Variants in FANCC observed in about 807,000 individuals in gnomAD.
FANCC encodes the protein FA complementation group C.
FANCC carries 55 observed loss-of-function variants against 71.3 expected under a neutral mutation model. The ratio of observed to expected loss-of-function variants is 0.77; its 90% CI spans 0.62 to 0.97. The LOEUF is 0.97. Ranked by LOEUF, FANCC falls within the 50% of genes least tolerant of loss-of-function variation. FANCC has a pLI of 0.00. For synonymous variants in FANCC, 275 were observed against 244.9 expected (o/e 1.12, Z -1.15); for missense variants, 678 against 670.9 (o/e 1.01, Z -0.12).
intron 4 of FANCC, among the ~76,000 whole-genome samples, chr9:95,225,495 G>A (rs1829561891): frequency 6.6e-6 from 1 of 152,094 alleles, no homozygotes; most frequent in South Asian, 2.1e-4. Flanking sequence ...AAGGGGAGCT[G>A]GTCAATGTTT....
chr9:95,272,654 G>A (rs1832808907), intron 1 of FANCC, among the ~76,000 whole-genome samples: 1 of 152,092 alleles, frequency 6.6e-6, no homozygotes, highest in Non-Finnish European at 1.5e-5. Flanking sequence ...GGGAGATCAC[G>A]CCACTGCCCT....
chr9:95,226,424 G>A (rs1263841424), intron 4 of FANCC, among the ~76,000 whole-genome samples: 1 of 152,224 alleles, frequency 6.6e-6, no homozygotes, highest in East Asian at 1.9e-4. Context: ...CCAAAAGGCA[G>A]TGAGGAAGGC....
chr9:95,122,210 G>A (rs979951064), intron 10 of FANCC, among the ~76,000 whole-genome samples: 16 of 152,142 alleles, frequency 1.1e-4, no homozygotes, highest in African/African-American at 3.1e-4. Flanking sequence ...GGAGGAGCAC[G>A]TGGATAGACA....
chr9:95,256,489 A>G (rs941861709), intron 1 of FANCC, among the ~76,000 whole-genome samples: 6 of 152,214 alleles, frequency 3.9e-5, no homozygotes, highest in African/African-American at 1.4e-4. Context: ...GCAAATGCTG[A>G]GAGATTCTGT....
chr9:95,185,986 T>C (rs1826684236), intron 4 of FANCC, among the ~76,000 whole-genome samples: 1 of 152,264 alleles, frequency 6.6e-6, no homozygotes, highest in Admixed American at 6.5e-5. Flanking sequence ...TTATCATATG[T>C]TTAAAATGGA....
intron 4 of FANCC, among the ~76,000 whole-genome samples, chr9:95,193,291 G>T (rs111779215): frequency 2.0e-5 from 3 of 152,148 alleles, no homozygotes; most frequent in Non-Finnish European, 4.4e-5. Flanking sequence ...CAAACAGCTT[G>T]TGGAGTAATC....
chr9:95,216,014 T>C (rs539891864), intron 4 of FANCC, among the ~76,000 whole-genome samples: 11 of 152,340 alleles, frequency 7.2e-5, no homozygotes, highest in African/African-American at 2.6e-4. Flanking sequence ...ATATCAATAA[T>C]TATATTACAT....
Position 95,315,229 on chromosome 9 carries a change from C to G in FANCC, c.-79+2297G>C, listed in dbSNP as rs185783491. Among the ~76,000 whole-genome samples the G allele has an allele frequency of 7.2e-5, 11 of 152,232 alleles. No homozygotes were observed. In the East Asian group the frequency reaches 2.1e-3, roughly 29 times the overall value. ...CTCTGGTGGCCAATCTGAATTGTTA[C>G]CAATTTTATTTTTCCAGACACGGTC... On this transcript the variant is annotated intron_variant, in intron 1 of 14. Coordinates refer to ENST00000289081, the MANE Select transcript of FANCC (RefSeq NM_000136.3).
At chr9:95,209,251 C>A (rs895666491) in intron 4 of FANCC, among the ~76,000 whole-genome samples, 1 of 152,100 alleles carries the variant, frequency 6.6e-6, no homozygotes, top group Non-Finnish European at 1.5e-5. Flanking sequence ...AGGGAGAGCA[C>A]GAATAATTTC....
intron 1 of FANCC, among the ~76,000 whole-genome samples, chr9:95,249,946 C>T (rs889013517): frequency 6.6e-6 from 1 of 152,086 alleles, no homozygotes; most frequent in Non-Finnish European, 1.5e-5. Context: ...CTAAAGATTG[C>T]TTTATATGCT....
chr9:95,171,919 A>T (rs547464893), intron 5 of FANCC, 118 bp downstream of exon 5: 2 of 721,758 alleles, frequency 2.8e-6, no homozygotes, highest in Non-Finnish European at 5.0e-6. Context: ...GTAAGAAGAG[A>T]TAAACAAAGA....
intron 6 of FANCC, among the ~76,000 whole-genome samples, chr9:95,156,120 T>G (rs923579082): frequency 2.4e-4 from 37 of 152,174 alleles, no homozygotes; most frequent in East Asian, 1.2e-3. Context: ...GTTTTTGGTG[T>G]TGTTGTTGTT....
chr9:95,165,953 T>C (rs554498111), intron 6 of FANCC, among the ~76,000 whole-genome samples: 1 of 152,216 alleles, frequency 6.6e-6, no homozygotes, highest in East Asian at 1.9e-4. Flanking sequence ...ATTTGGATGC[T>C]GTGTTAAGTG....
At chr9:95,193,877 T>C (rs1827254764) in intron 4 of FANCC, among the ~76,000 whole-genome samples, 1 of 152,144 alleles carries the variant, frequency 6.6e-6, no homozygotes, top group African/African-American at 2.4e-5. Context: ...CCAGAACGAA[T>C]GCTGCCACAG....
intron 1 of FANCC, among the ~76,000 whole-genome samples, chr9:95,311,709 C>CTTTGTGTGTGTGTG (rs147036059): frequency 2.8e-5 from 4 of 144,494 alleles, no homozygotes; most frequent in African/African-American, 1.0e-4. Context: ...TCCTCTGAAT[C>CTTTGTGTGTGTGTG]TGTGTGTGTG....
chr9:95,277,781 A>G (rs1833132623), intron 1 of FANCC, among the ~76,000 whole-genome samples: 1 of 152,204 alleles, frequency 6.6e-6, no homozygotes, highest in African/African-American at 2.4e-5. Flanking sequence ...AAAGTGCTCA[A>G]AAGTTGTCAA....
At chr9:95,223,882 C>T (rs573572502) in intron 4 of FANCC, among the ~76,000 whole-genome samples, 1 of 152,294 alleles carries the variant, frequency 6.6e-6, no homozygotes, top group Non-Finnish European at 1.5e-5. Context: ...GAGGCTGAGG[C>T]ATGAGAATTG....
At chr9:95,166,427 T>C (rs1462458670) in intron 6 of FANCC, among the ~76,000 whole-genome samples, 2 of 152,146 alleles carry the variant, frequency 1.3e-5, no homozygotes, top group African/African-American at 4.8e-5. Flanking sequence ...ACATTAAACA[T>C]CTTAGAGTTA....
At chr9:95,228,814 A>G (rs887131315) in intron 4 of FANCC, among the ~76,000 whole-genome samples, 2 of 152,098 alleles carry the variant, frequency 1.3e-5, no homozygotes, top group Admixed American at 6.5e-5. Flanking sequence ...AAACCCCAGG[A>G]AGGAGTTGCT....
Sources: gnomAD v4.1 joint callset for allele counts (sites outside exome capture counted in the v4.1 genomes callset) on GRCh38, gnomAD v4.1.1 for gene constraint, MANE v1.5 for transcripts, NCBI Gene and HGNC (gene_info 2026-07-23, HGNC 2026-07-21) for gene names.